Variants in DZIP3 observed in about 807,000 individuals in gnomAD.
DZIP3 encodes the protein DAZ interacting zinc finger protein 3, also known as E3 ubiquitin-protein ligase DZIP3.
In DZIP3, 118 loss-of-function variants were observed where a neutral mutation model predicts 162.0. The ratio of observed to expected loss-of-function variants is 0.73; its 90% confidence interval spans 0.63 to 0.85. The LOEUF (loss-of-function observed/expected upper bound fraction) is 0.85. Ranked by LOEUF, DZIP3 falls within the 40% of genes least tolerant of loss-of-function variation. The pLI is 0.00. For synonymous variants in DZIP3, 438 were observed against 458.6 expected (o/e 0.96, Z 0.57); for missense variants, 1,331 against 1,407.0 (o/e 0.95, Z 0.86).
intron 4 of DZIP3, among the ~76,000 whole-genome samples, chr3:108,616,157 A>T (rs1476171225): frequency 6.6e-6 from 1 of 151,978 alleles, no homozygotes; most frequent in Non-Finnish European, 1.5e-5. Context: ...CCAGATACTC[A>T]GGAGGCTGAG....
intron 18 of DZIP3, among the ~76,000 whole-genome samples, 156 bp from the exon 19 acceptor site, chr3:108,653,989 C>G (rs1355615404): frequency 4.6e-5 from 7 of 152,080 alleles, no homozygotes; most frequent in Non-Finnish European, 1.0e-4. Context: ...AAAAGAAAGA[C>G]TCAGTATGAG....
At chr3:108,598,427 A>G (rs956242766) in intron 1 of DZIP3, among the ~76,000 whole-genome samples, 2 of 152,228 alleles carry the variant, frequency 1.3e-5, no homozygotes, top group African/African-American at 4.8e-5. Flanking sequence ...GATGAAAATT[A>G]AGCTTATTTT....
intron 28 of DZIP3, among the ~76,000 whole-genome samples, chr3:108,687,710 C>T (rs1944546056): frequency 6.6e-6 from 1 of 152,096 alleles, no homozygotes; most frequent in South Asian, 2.1e-4. Flanking sequence ...AACGAAGTCT[C>T]TTTTTGGAAA....
chr3:108,603,998 G>A (rs1430998273), intron 1 of DZIP3, among the ~76,000 whole-genome samples: 1 of 151,898 alleles, frequency 6.6e-6, no homozygotes, highest in Non-Finnish European at 1.5e-5. Context: ...GTGGGGGAGG[G>A]GCAGGATATC....
Position 108,611,474 on chromosome 3 carries a change from A to G in DZIP3, c.258+145A>G, listed in dbSNP as rs768676654. On this transcript the variant is annotated intron_variant, in intron 4 of 32. Transcript: ENST00000361582. ...CTTCTTGTAAAGGGCTTTGTTGTCA[A>G]CCTTGACTGTAGACTTCTAAAAAGT... 7.1e-5 allele frequency: 69 copies of G among 978,252 alleles called. No homozygotes were observed. In the African/African-American group the frequency reaches 7.6e-4, roughly 11 times the overall value. 60.6% of individuals were successfully genotyped at this position (978,252 alleles called of 1,614,324 possible). A position where few individuals can be genotyped will look rare whatever the true frequency, so the allele number is the denominator to read the frequency against.
intron 13 of DZIP3, among the ~76,000 whole-genome samples, chr3:108,643,647 A>C (rs1942495788): frequency 6.6e-6 from 1 of 151,006 alleles, no homozygotes; most frequent in South Asian, 2.1e-4. Context: ...CTTAAATTTA[A>C]ATTAATTAAA....
chr3:108,662,221 A>G lies in DZIP3; in HGVS notation c.2387A>G (p.Asn796Ser). The G allele has an allele frequency of 1.9e-6, 3 of 1,601,646 alleles. No individual in the cohort carries two copies. The highest frequency in any genetic ancestry group is 1.7e-6 in the Non-Finnish European group (2 of 1,176,928). The change falls in exon 21 of 33, where the codon AAT becomes AGT. Residue 796 changes from asparagine to serine, a missense_variant. Asn to Ser is a conservative substitution (Grantham distance 46, BLOSUM62 1). Transcript: ENST00000361582. Reference sequence around the variant, plus strand: ...AAAGACAAAATTATCGCATCTCTTAATCAACAAGTTGCTTTTGGAATCAAT... The same window carrying G: ...AAAGACAAAATTATCGCATCTCTTAGTCAACAAGTTGCTTTTGGAATCAAT... ...KKKDKIIASLNQQVAFGINKV... is the reference protein window; with the variant it reads ...KKKDKIIASLSQQVAFGINKV...
chr3:108,598,337 A>G (rs1342776305), intron 1 of DZIP3, among the ~76,000 whole-genome samples: 1 of 152,184 alleles, frequency 6.6e-6, no homozygotes, highest in Non-Finnish European at 1.5e-5. Flanking sequence ...ACTTATTACA[A>G]TAATGTTTAT....
intron 4 of DZIP3, among the ~76,000 whole-genome samples, chr3:108,615,571 A>G (rs1221482401): frequency 2.0e-5 from 3 of 152,224 alleles, no homozygotes; most frequent in African/African-American, 7.2e-5. Context: ...GGAAAATGTT[A>G]TATATGGAAA....
intron 6 of DZIP3, 133 bp downstream of exon 6, chr3:108,624,657 T>C: frequency 2.1e-6 from 1 of 481,496 alleles, no homozygotes; most frequent in Non-Finnish European, 3.6e-6. Flanking sequence ...TTCTTTTATT[T>C]ATCTTTTGAA....
rs1229999389 is a variant in DZIP3, at chr3:108,694,443, G to GACTT, written c.*1093_*1096dup. 6.3e-6 allele frequency: 1 copy of GACTT among 159,340 alleles called. No individual in the cohort carries two copies. The highest frequency in any genetic ancestry group is 6.5e-5 in the Admixed American group (1 of 15,374). 9.9% of individuals were successfully genotyped at this position (159,340 alleles called of 1,614,324 possible). On this transcript the variant is annotated 3_prime_UTR_variant, in exon 33 of 33. Coordinates refer to ENST00000361582, the MANE Select transcript of DZIP3 (RefSeq NM_014648.4). The stretch of plus-strand genomic sequence containing the variant: ...ATTTACAAAAGAAAGAGGTTTAACG[G>GACTT]ACTTACAGTTCCACATGACTAAGGA...
chr3:108,645,194 A>G (rs1412059038), intron 14 of DZIP3, among the ~76,000 whole-genome samples: 1 of 152,164 alleles, frequency 6.6e-6, no homozygotes, highest in Non-Finnish European at 1.5e-5. Context: ...TTTTTGTCAC[A>G]TTAAGGAGTC....
intron 5 of DZIP3, among the ~76,000 whole-genome samples, chr3:108,618,022 A>G (rs764935783): frequency 6.6e-6 from 1 of 152,202 alleles, no homozygotes; most frequent in African/African-American, 2.4e-5. Context: ...AAATTACTCT[A>G]TCTGTCCTTC....
At chr3:108,647,498 A>T (rs1942681668) in intron 15 of DZIP3, among the ~76,000 whole-genome samples, 1 of 152,206 alleles carries the variant, frequency 6.6e-6, no homozygotes, top group African/African-American at 2.4e-5. Flanking sequence ...CTCAAAGAAA[A>T]GGTCACATAA....
chr3:108,669,663 T>A lies in DZIP3; in HGVS notation c.2424-18T>A, dbSNP rs186310223. The A allele has an allele frequency of 6.2e-7, 1 of 1,608,912 alleles. No homozygotes were observed. Among genetic ancestry groups the A allele is most frequent in the African/African-American group, 1.3e-5 (1 of 74,788 alleles). On this transcript the variant is annotated intron_variant, in intron 21 of 32. Transcript: ENST00000361582. ...AATAATTTCTAACATCTTTTGACTT[T>A]CTTGCTTGTTTGCTTAGATTACAGC...
At chr3:108,646,371 A>G (rs1157228559) in intron 14 of DZIP3, among the ~76,000 whole-genome samples, 1 of 152,190 alleles carries the variant, frequency 6.6e-6, no homozygotes, top group African/African-American at 2.4e-5. Context: ...CTTGTGTTCT[A>G]GGCTTTATCT....
chr3:108,595,616 G>T (rs949181013), intron 1 of DZIP3, among the ~76,000 whole-genome samples: 1 of 152,060 alleles, frequency 6.6e-6, no homozygotes, highest in African/African-American at 2.4e-5. Flanking sequence ...ACACTTGCTC[G>T]GCATCTTGTA....
Position 108,644,597 on chromosome 3 carries a change from GTTCAA to G in DZIP3, c.1583_1587del (p.Ser528LeufsTer19). The G allele has an allele frequency of 6.2e-7, 1 of 1,614,074 alleles. No individual in the cohort carries two copies. The highest frequency in any genetic ancestry group is 8.5e-7 in the Non-Finnish European group (1 of 1,179,952). On this transcript the variant is annotated frameshift_variant, in exon 14 of 33. Transcript: ENST00000361582. LOFTEE classifies it high-confidence loss of function. ...TGATGAATGGTCTCACTGAGTCACA[GTTCAA>G]TTCAATTTGGAAAAAAGTTTCAGAT...
intron 19 of DZIP3, among the ~76,000 whole-genome samples, chr3:108,658,509 G>C (rs1212763005): frequency 6.6e-6 from 1 of 151,710 alleles, no homozygotes; most frequent in African/African-American, 2.4e-5. Context: ...AGGGAAATTT[G>C]TAGCACTAAA....
Sources: gnomAD v4.1 joint callset for allele counts (sites outside exome capture counted in the v4.1 genomes callset) on GRCh38, gnomAD v4.1.1 for gene constraint, MANE v1.5 for transcripts, NCBI Gene and HGNC (gene_info 2026-07-23, HGNC 2026-07-21) for gene names.